Variants in PLXNA4 observed in about 807,000 individuals in gnomAD.
PLXNA4 encodes plexin-A4.
PLXNA4 carries 44 observed loss-of-function variants against 191.8 expected under a neutral mutation model. The observed-to-expected ratio is 0.23, with a 90% CI of 0.18 to 0.29. The LOEUF (loss-of-function observed/expected upper bound fraction) is 0.29. Ranked by LOEUF, PLXNA4 falls within the 10% of genes least tolerant of loss-of-function variation. The probability of loss-of-function intolerance (pLI) is 1.00; values close to 1 mark genes in which losing one functional copy is unlikely to be tolerated. For missense variants in PLXNA4, 1,800 were observed against 2,488.8 expected, an observed-to-expected ratio of 0.72 and a Z score of 5.89; for synonymous variants, 1,082 against 1,009.5, an observed-to-expected ratio of 1.07 and a Z score of -1.36.
chr7:132,523,893 G>A (rs1020933472), intron 1 of PLXNA4, among the ~76,000 whole-genome samples: 4 of 152,168 alleles, frequency 2.6e-5, no homozygotes, highest in Non-Finnish European at 5.9e-5. Flanking sequence ...GAGCAGAGAA[G>A]GCAAGAGTTC....
intron 4 of PLXNA4, among the ~76,000 whole-genome samples, chr7:132,253,075 TAACTTTG>T (rs1799310499): frequency 6.6e-6 from 1 of 152,228 alleles, no homozygotes; most frequent in Non-Finnish European, 1.5e-5. Context: ...TAACAGTGGT[TAACTTTG>T]GAGAGTTTGA....
At chr7:132,614,473 G>A (rs990863748) in intron 2 of PLXNA4, among the ~76,000 whole-genome samples, 1 of 152,238 alleles carries the variant, frequency 6.6e-6, no homozygotes, top group Non-Finnish European at 1.5e-5. Context: ...TGGAACAAGC[G>A]TATTTAATAT....
intron 1 of PLXNA4, among the ~76,000 whole-genome samples, chr7:132,511,405 C>T (rs993826939): frequency 3.9e-5 from 6 of 152,182 alleles, no homozygotes; most frequent in African/African-American, 1.4e-4. Context: ...TAGAAATGCA[C>T]ATTTCCAGAG....
chr7:132,218,279 GC>G (rs11316782), intron 9 of PLXNA4, among the ~76,000 whole-genome samples: 6,180 of 152,224 alleles, frequency 0.041, 144 homozygotes, highest in Middle Eastern at 0.065. Context: ...TTCAAACACA[GC>G]TTTGCAAATC....
At chr7:132,567,954 A>G (rs1801809157) in intron 1 of PLXNA4, among the ~76,000 whole-genome samples, 1 of 152,164 alleles carries the variant, frequency 6.6e-6, no homozygotes, top group Non-Finnish European at 1.5e-5. Flanking sequence ...GGTTAGGGGC[A>G]AGTGCATTTA....
intron 24 of PLXNA4, among the ~76,000 whole-genome samples, chr7:132,162,769 A>T (rs1304412224): frequency 3.9e-5 from 6 of 151,996 alleles, no homozygotes; most frequent in Non-Finnish European, 8.8e-5. Context: ...GCCAATCCCC[A>T]CAAATCTGTT....
intron 3 of PLXNA4, among the ~76,000 whole-genome samples, chr7:132,480,619 G>T (rs1022669333): frequency 1.3e-5 from 2 of 151,910 alleles, no homozygotes; most frequent in Non-Finnish European, 2.9e-5. Context: ...AGTCCCACAG[G>T]CTCTAGGAGG....
chr7:132,142,152 C>T (rs749703314), intron 29 of PLXNA4, among the ~76,000 whole-genome samples: 8 of 152,234 alleles, frequency 5.3e-5, no homozygotes, highest in Non-Finnish European at 7.3e-5. Flanking sequence ...TATTGTAAGC[C>T]TGTTGCTTAT....
intron 3 of PLXNA4, among the ~76,000 whole-genome samples, chr7:132,451,363 C>T (rs1796117032): frequency 6.6e-6 from 1 of 152,176 alleles, no homozygotes; most frequent in African/African-American, 2.4e-5. Flanking sequence ...GGGTTAGAGG[C>T]AGCAGCGGCT....
intron 3 of PLXNA4, among the ~76,000 whole-genome samples, chr7:132,319,890 G>T (rs1802096732): frequency 6.6e-6 from 1 of 152,194 alleles, no homozygotes; most frequent in Admixed American, 6.5e-5. Context: ...CCCAGTCAAA[G>T]GGCTCTGCTG....
intron 1 of PLXNA4, among the ~76,000 whole-genome samples, chr7:132,548,874 G>A (rs140841353): frequency 4.6e-5 from 7 of 152,226 alleles, no homozygotes; most frequent in East Asian, 3.9e-4. Flanking sequence ...AAACCAAGAC[G>A]GTGATGAAAG....
intron 5 of PLXNA4, among the ~76,000 whole-genome samples, chr7:132,240,458 C>T (rs1483375741): frequency 3.3e-5 from 5 of 152,192 alleles, no homozygotes; most frequent in South Asian, 2.1e-4. Context: ...GCACTCAGGC[C>T]GGGCTTTATT....
At chr7:132,397,052 AC>A (rs1793795860) in intron 3 of PLXNA4, among the ~76,000 whole-genome samples, 1 of 152,184 alleles carries the variant, frequency 6.6e-6, no homozygotes, top group African/African-American at 2.4e-5. Flanking sequence ...GGGACATCAC[AC>A]CACCCGCATT....
At chr7:132,413,591 A>T (rs1272240219) in intron 3 of PLXNA4, among the ~76,000 whole-genome samples, 1 of 152,184 alleles carries the variant, frequency 6.6e-6, no homozygotes. Context: ...AACACACCTA[A>T]GCAATTCAAT....
intron 1 of PLXNA4, among the ~76,000 whole-genome samples, chr7:132,554,224 G>A (rs549790897): frequency 6.6e-6 from 1 of 152,288 alleles, no homozygotes; most frequent in South Asian, 2.1e-4. Context: ...CTGTAGAAGG[G>A]CTGAAGAGTA....
At chr7:132,562,470 T>C (rs1294448574) in intron 1 of PLXNA4, among the ~76,000 whole-genome samples, 3 of 88,198 alleles carry the variant, frequency 3.4e-5, no homozygotes, top group South Asian at 5.2e-4. Context: ...TCCTCCTCCT[T>C]TCTCCTCCTC....
upstream of PLXNA4, among the ~76,000 whole-genome samples, chr7:132,577,985 A>T (rs1802324508): frequency 6.6e-6 from 1 of 152,126 alleles, no homozygotes; most frequent in South Asian, 2.1e-4. Flanking sequence ...ATTCATGTTT[A>T]TACTGAGCGG....
At chr7:132,523,284 C>T (rs913000833) in intron 1 of PLXNA4, among the ~76,000 whole-genome samples, 1 of 152,218 alleles carries the variant, frequency 6.6e-6, no homozygotes, top group Admixed American at 6.5e-5. Flanking sequence ...CTGTTGCAAG[C>T]GTGACCTCAG....
At chr7:132,594,994 T>C (rs12113268) in intron 2 of PLXNA4, among the ~76,000 whole-genome samples, 1 of 47,492 alleles carries the variant, frequency 2.1e-5, no homozygotes, top group Non-Finnish European at 5.7e-5. Flanking sequence ...GATAGATAGA[T>C]AGATAGATAG....
Sources: allele counts gnomAD v4.1 joint callset (sites outside exome capture counted in the v4.1 genomes callset), GRCh38; gene constraint gnomAD v4.1.1; transcripts MANE v1.5; gene names NCBI Gene and HGNC (gene_info 2026-07-23, HGNC 2026-07-21).